DNAJC24: variants seen among roughly 807,000 people sequenced by gnomAD.
The protein encoded by DNAJC24 is dnaJ homolog subfamily C member 24.
Under a neutral mutation model 18.0 loss-of-function variants are expected in DNAJC24, and 17 were observed. The observed-to-expected ratio is 0.94, with a 90% CI of 0.65 to 1.42. The LOEUF is 1.42. DNAJC24 is among the 40% of genes most tolerant of loss of function. The pLI, the probability that DNAJC24 is intolerant of heterozygous loss-of-function variation, is 0.00. For missense variants in DNAJC24, 158 were observed against 175.6 expected (o/e 0.90, Z 0.57); for synonymous variants, 55 against 57.7 (o/e 0.95, Z 0.21).
intron 2 of DNAJC24, among the ~76,000 whole-genome samples, chr11:31,397,220 CT>C (rs2133482679): frequency 6.6e-6 from 1 of 152,302 alleles, no homozygotes; most frequent in African/African-American, 2.4e-5. Context: ...TCTTCATTGG[CT>C]GGCACAATGT....
At chr11:31,414,354 T>C (rs1044872834) in intron 2 of DNAJC24, among the ~76,000 whole-genome samples, 1 of 152,216 alleles carries the variant, frequency 6.6e-6, no homozygotes, top group Non-Finnish European at 1.5e-5. Flanking sequence ...TATTTAAAAT[T>C]ACGATTGTAT....
At chr11:31,418,718 T>A (rs773698257) in intron 3 of DNAJC24, among the ~76,000 whole-genome samples, 3 of 152,080 alleles carry the variant, frequency 2.0e-5, no homozygotes, top group Non-Finnish European at 2.9e-5. Context: ...ACAGCGTGGC[T>A]CAGAGGAGGT....
intron 4 of DNAJC24, chr11:31,429,596 C>T (rs1952900094): frequency 5.8e-6 from 2 of 344,468 alleles, no homozygotes; most frequent in Admixed American, 5.3e-5. Flanking sequence ...TTTCCACGAT[C>T]AGGAGCCTAA....
intron 3 of DNAJC24, chr11:31,417,424 CA>C (rs1952760324): frequency 6.6e-6 from 1 of 152,016 alleles, no homozygotes; most frequent in South Asian, 2.1e-4. Context: ...TGAACTTGAA[CA>C]TCTCTAAAAG....
chr11:31,413,673 G>T lies in DNAJC24; in HGVS notation c.112-1138G>T, dbSNP rs115796323. ...AATGATAGATTCATTTTCATGGTGA[G>T]CTTCTCCACACTGCTAAGGATCCTC... On this transcript the variant is annotated intron_variant, in intron 2 of 4. Coordinates refer to ENST00000465995, the MANE Select transcript of DNAJC24 (RefSeq NM_181706.5). Among the ~76,000 whole-genome samples, 208 of 152,202 alleles carry T rather than the reference G, an allele frequency of 1.4e-3. 1 individual carries two copies. The highest frequency in any genetic ancestry group is 4.9e-3 in the African/African-American group (204 of 41,536).
At chr11:31,399,739 C>CTTTTTT (rs757871094) in intron 2 of DNAJC24, among the ~76,000 whole-genome samples, 34 of 97,026 alleles carry the variant, frequency 3.5e-4, no homozygotes, top group East Asian at 9.2e-4. Flanking sequence ...ACTGTTTTTT[C>CTTTTTT]TTTTTTTTTT....
At chr11:31,383,054 T>C (rs1338399501) in intron 2 of DNAJC24, among the ~76,000 whole-genome samples, 4 of 152,186 alleles carry the variant, frequency 2.6e-5, no homozygotes, top group African/African-American at 9.7e-5. Context: ...GGGTGAGGTC[T>C]GTAGGGGTCC....
chr11:31,403,455 C>T (rs370198440), intron 2 of DNAJC24, among the ~76,000 whole-genome samples: 2 of 152,090 alleles, frequency 1.3e-5, no homozygotes, highest in African/African-American at 4.8e-5. Flanking sequence ...TTGATTTGGC[C>T]TAGAAAGGCA....
chr11:31,396,011 T>G (rs1351387543), intron 2 of DNAJC24, among the ~76,000 whole-genome samples: 1 of 152,206 alleles, frequency 6.6e-6, no homozygotes. Flanking sequence ...TTGACCTTGG[T>G]TCTTTGAACT....
chr11:31,424,983 T>C (rs1428856798), intron 3 of DNAJC24, among the ~76,000 whole-genome samples: 1 of 152,064 alleles, frequency 6.6e-6, no homozygotes, highest in Non-Finnish European at 1.5e-5. Flanking sequence ...TTTTTCTTTT[T>C]TCTTCTTTTT....
At chr11:31,378,645 C>A (rs1952344011) in intron 2 of DNAJC24, among the ~76,000 whole-genome samples, 1 of 151,802 alleles carries the variant, frequency 6.6e-6, no homozygotes, top group Admixed American at 6.6e-5. Flanking sequence ...AGTCAGTTAC[C>A]TTTCCAGTGG....
intron 2 of DNAJC24, among the ~76,000 whole-genome samples, chr11:31,392,792 C>T (rs1435573975): frequency 1.3e-5 from 2 of 151,446 alleles, no homozygotes; most frequent in African/African-American, 4.9e-5. Context: ...TCATTGCAAC[C>T]TCTGCCTCCC....
chr11:31,405,315 C>G (rs1442580141), intron 2 of DNAJC24, among the ~76,000 whole-genome samples: 1 of 151,908 alleles, frequency 6.6e-6, no homozygotes, highest in Non-Finnish European at 1.5e-5. Context: ...GGTGATCTGC[C>G]CGCCTTGGCC....
At chr11:31,410,799 T>G (rs1452906758) in intron 2 of DNAJC24, among the ~76,000 whole-genome samples, 1 of 152,226 alleles carries the variant, frequency 6.6e-6, no homozygotes, top group Non-Finnish European at 1.5e-5. Flanking sequence ...GGCAGCCTTG[T>G]TGAAACTCAG....
chr11:31,386,494 A>G (rs767649297), intron 2 of DNAJC24, among the ~76,000 whole-genome samples: 3 of 151,846 alleles, frequency 2.0e-5, no homozygotes, highest in Non-Finnish European at 4.4e-5. Context: ...TAGACACACC[A>G]TGAGCCAGAG....
chr11:31,382,500 A>G (rs1386984315), intron 2 of DNAJC24, among the ~76,000 whole-genome samples: 2 of 152,248 alleles, frequency 1.3e-5, no homozygotes, highest in Non-Finnish European at 2.9e-5. Flanking sequence ...TAATGACATT[A>G]TACTAATTTA....
intron 2 of DNAJC24, among the ~76,000 whole-genome samples, chr11:31,404,271 C>T (rs573406305): frequency 1.3e-3 from 194 of 152,238 alleles, no homozygotes; most frequent in African/African-American, 4.5e-3. Context: ...AGGTCTTAGT[C>T]CCATTTTACC....
chr11:31,405,206 A>G lies in DNAJC24; in HGVS notation c.112-9605A>G, dbSNP rs1053968668. 5.3e-5 allele frequency among the ~76,000 whole-genome samples: 8 copies of G among 151,164 alleles called. No individual in the cohort carries two copies. The East Asian group carries it at 9.8e-4, about 18-fold the overall frequency. On this transcript the variant is annotated intron_variant, in intron 2 of 4. Coordinates refer to ENST00000465995, the MANE Select transcript of DNAJC24 (RefSeq NM_181706.5). ...TGCCTCAGCCTCCCGAGTAGCTGAGATTACAGGCACGTGCCACCACACCCA... is the reference window on the plus strand; with the variant it reads ...TGCCTCAGCCTCCCGAGTAGCTGAGGTTACAGGCACGTGCCACCACACCCA...
chr11:31,374,897 G>A (rs919667349), intron 2 of DNAJC24, among the ~76,000 whole-genome samples: 1 of 134,846 alleles, frequency 7.4e-6, no homozygotes. Context: ...TCTTTTGCCT[G>A]TCTTTTCTCT....
Sources: gnomAD v4.1 joint callset for allele counts (sites outside exome capture counted in the v4.1 genomes callset) on GRCh38, gnomAD v4.1.1 for gene constraint, MANE v1.5 for transcripts, NCBI Gene and HGNC (gene_info 2026-07-23, HGNC 2026-07-21) for gene names.